MPP7: variants seen among roughly 807,000 people sequenced by gnomAD.
The protein encoded by MPP7 is MAGUK p55 subfamily member 7.
Under a neutral mutation model 76.5 loss-of-function variants are expected in MPP7, and 60 were observed. The observed-to-expected ratio is 0.78, with a 90% CI of 0.64 to 0.97. The LOEUF is 0.97. MPP7 is among the 50% of genes least tolerant of loss of function. The pLI is 0.00. For missense variants in MPP7, 641 were observed against 694.0 expected, an observed-to-expected ratio of 0.92 and a Z score of 0.86; for synonymous variants, 237 against 244.5, an observed-to-expected ratio of 0.97 and a Z score of 0.29.
chr10:28,123,894 G>T, intron 8 of MPP7, 137 bp downstream of exon 8: 1 of 620,254 alleles, frequency 1.6e-6, no homozygotes, highest in East Asian at 2.7e-5. Context: ...TATTTTCCAA[G>T]AACACACAGG....
chr10:28,156,518 C>A (rs1216305965), intron 3 of MPP7, among the ~76,000 whole-genome samples: 2 of 152,190 alleles, frequency 1.3e-5, no homozygotes, highest in Non-Finnish European at 2.9e-5. Flanking sequence ...TCTCTATTGA[C>A]ATTTCTTCAA....
intron 1 of MPP7, among the ~76,000 whole-genome samples, chr10:28,253,026 G>C (rs1839665807): frequency 6.6e-6 from 1 of 151,986 alleles, no homozygotes; most frequent in Non-Finnish European, 1.5e-5. Context: ...TCCTTCCTCA[G>C]CCTCCCGAGC....
chr10:28,161,386 T>G, intron 3 of MPP7, among the ~76,000 whole-genome samples: 1 of 131,746 alleles, frequency 7.6e-6, no homozygotes, highest in Non-Finnish European at 1.6e-5. Flanking sequence ...ACTGCTTCCA[T>G]TCCCTTCTTA....
At chr10:28,114,641 T>A (rs1447080904) in intron 11 of MPP7, among the ~76,000 whole-genome samples, 1 of 151,938 alleles carries the variant, frequency 6.6e-6, no homozygotes, top group Non-Finnish European at 1.5e-5. Context: ...CAAGGTTAAA[T>A]CCCCATACTA....
At chr10:28,211,329 T>C (rs544790527) in intron 2 of MPP7, among the ~76,000 whole-genome samples, 55 of 152,250 alleles carry the variant, frequency 3.6e-4, no homozygotes, top group African/African-American at 1.3e-3. Flanking sequence ...CAGGGTATGT[T>C]CTTGGGGCTT....
intron 1 of MPP7, among the ~76,000 whole-genome samples, chr10:28,249,280 A>C (rs1238620756): frequency 6.6e-6 from 1 of 152,188 alleles, no homozygotes; most frequent in Non-Finnish European, 1.5e-5. Context: ...AACTGTCAAC[A>C]AATTAGATAT....
chr10:28,209,356 C>T (rs1177301942), intron 2 of MPP7, among the ~76,000 whole-genome samples: 1 of 151,748 alleles, frequency 6.6e-6, no homozygotes, highest in Non-Finnish European at 1.5e-5. Flanking sequence ...ATAGCACCAG[C>T]TACTTGGGAG....
At chr10:28,180,135 G>T (rs946426529) in intron 3 of MPP7, among the ~76,000 whole-genome samples, 4 of 152,270 alleles carry the variant, frequency 2.6e-5, no homozygotes, top group Middle Eastern at 3.4e-3. Context: ...CTTTGATATT[G>T]ATAGCCCTCG....
chr10:28,219,498 C>A (rs888777968), intron 2 of MPP7, among the ~76,000 whole-genome samples: 3 of 152,064 alleles, frequency 2.0e-5, no homozygotes, highest in Admixed American at 6.5e-5. Context: ...CTTGTCATAT[C>A]CCTCATAGCT....
In MPP7 at chr10:28,328,672, T is replaced by C. The variant is rs546853740; in HGVS notation, c.-132+1257A>G. Among the ~76,000 whole-genome samples the C allele has an allele frequency of 2.5e-3, 387 of 152,226 alleles. 1 individual carries two copies. The highest frequency in any genetic ancestry group is 9.0e-3 in the African/African-American group (375 of 41,546). On this transcript the variant is annotated intron_variant, in intron 2 of 11. Transcript: ENST00000441595. ...CACTGGAAAGATATTATACCAAAAT[T>C]ATAACTATATTGATTCATGTTTTCT...
At chr10:28,088,803 C>A (rs962709153) in intron 12 of MPP7, among the ~76,000 whole-genome samples, 1 of 152,160 alleles carries the variant, frequency 6.6e-6, no homozygotes, top group Non-Finnish European at 1.5e-5. Context: ...GTGAAGGGTG[C>A]ACAAGATAGA....
At chr10:28,138,445 T>C (rs1163366037) in intron 5 of MPP7, among the ~76,000 whole-genome samples, 1 of 152,250 alleles carries the variant, frequency 6.6e-6, no homozygotes, top group Non-Finnish European at 1.5e-5. Flanking sequence ...CTACTTACTT[T>C]TACATTTTCA....
At chr10:28,076,893 A>G (rs908375007) in intron 12 of MPP7, among the ~76,000 whole-genome samples, 1 of 151,916 alleles carries the variant, frequency 6.6e-6, no homozygotes, top group Non-Finnish European at 1.5e-5. Flanking sequence ...GTCTGAAAAA[A>G]AAAAAAAAAT....
intron 1 of MPP7, among the ~76,000 whole-genome samples, chr10:28,259,212 A>G (rs1839876438): frequency 6.6e-6 from 1 of 152,094 alleles, no homozygotes; most frequent in Admixed American, 6.6e-5. Flanking sequence ...TACATACAAA[A>G]CTACTTTTTT....
At chr10:28,289,713 A>T (rs936212679) in intron 1 of MPP7, among the ~76,000 whole-genome samples, 5 of 152,170 alleles carry the variant, frequency 3.3e-5, no homozygotes, top group African/African-American at 1.2e-4. Flanking sequence ...TGGGTGGAGA[A>T]ATGGAGAAAA....
At chr10:28,302,059 T>C (rs921324782) in intron 1 of MPP7, among the ~76,000 whole-genome samples, 2 of 150,146 alleles carry the variant, frequency 1.3e-5, no homozygotes, top group Non-Finnish European at 2.9e-5. Context: ...GAGCCCCCCC[T>C]TTTTTAAATG....
chr10:28,082,316 T>C (rs1030711467), intron 12 of MPP7, among the ~76,000 whole-genome samples: 3 of 152,240 alleles, frequency 2.0e-5, no homozygotes, highest in African/African-American at 7.2e-5. Context: ...AGAAGCCTAC[T>C]GATATTTGAA....
intron 1 of MPP7, among the ~76,000 whole-genome samples, chr10:28,299,828 C>T (rs11006999): frequency 0.099 from 14,812 of 149,922 alleles, 1,310 homozygotes; most frequent in East Asian, 0.47. Flanking sequence ...TGCAGTGGCA[C>T]GATCTCAGCT....
intron 1 of MPP7, among the ~76,000 whole-genome samples, chr10:28,291,562 G>A (rs962043362): frequency 2.0e-5 from 3 of 152,014 alleles, no homozygotes; most frequent in South Asian, 2.1e-4. Flanking sequence ...GCCAAAGATC[G>A]CACCACTGCA....
Sources: allele counts gnomAD v4.1 joint callset (sites outside exome capture counted in the v4.1 genomes callset), GRCh38; gene constraint gnomAD v4.1.1; transcripts MANE v1.5; gene names NCBI Gene and HGNC (gene_info 2026-07-23, HGNC 2026-07-21).